Variants in NAPG observed in about 807,000 individuals in gnomAD.
The protein encoded by NAPG is NSF attachment protein gamma.
Under a neutral mutation model 48.4 loss-of-function variants are expected in NAPG, and 25 were observed. The ratio of observed to expected loss-of-function variants is 0.52; its 90% CI spans 0.38 to 0.72. The LOEUF (loss-of-function observed/expected upper bound fraction) is 0.72. NAPG is among the 30% of genes least tolerant of loss of function. The pLI, the probability that NAPG is intolerant of heterozygous loss-of-function variation, is 0.00. For missense variants in NAPG, 359 were observed against 372.5 expected (o/e 0.96, Z 0.30); for synonymous variants, 139 against 127.2 (o/e 1.09, Z -0.62).
chr18:10,544,187 C>T lies in NAPG; in HGVS notation c.507-2139C>T, dbSNP rs1280448217. Among the ~76,000 whole-genome samples, 6 of 152,124 alleles carry T rather than the reference C, an allele frequency of 3.9e-5. No individual in the cohort carries two copies. Among genetic ancestry groups the T allele is most frequent in the East Asian group, 3.9e-4 (2 of 5,192 alleles). ...GATACAGATACATGTAGCTGTAGTCCGCCTTGCATTAATTTTTTATTTCTG... is the reference window on the plus strand; with the variant it reads ...GATACAGATACATGTAGCTGTAGTCTGCCTTGCATTAATTTTTTATTTCTG... On this transcript the variant is annotated intron_variant, in intron 8 of 11. Coordinates refer to ENST00000322897, the MANE Select transcript of NAPG (RefSeq NM_003826.3). The surrounding 1 kb of genome is among the most constrained non-coding windows in gnomAD (Gnocchi z 5.1).
In NAPG at chr18:10,539,981, G is replaced by C. The variant is rs1009222131; in HGVS notation, c.369-7G>C. 6 of 1,604,704 alleles carry C rather than the reference G, an allele frequency of 3.7e-6. No homozygotes were observed. Among genetic ancestry groups the C allele is most frequent in the Non-Finnish European group, 5.1e-6 (6 of 1,174,784 alleles). On this transcript the variant is annotated splice_region_variant and splice_polypyrimidine_tract_variant and intron_variant, in intron 6 of 11. Transcript: ENST00000322897. This position sits in a 1 kb window ranked among gnomAD's most constrained non-coding sequence, Gnocchi z 4.7. Reference sequence around the variant, plus strand: ...TCATATAAGACATGTTTTCTTGTCTGATTCAGGCTTATAGAAAATGTTGAT... The same window carrying C: ...TCATATAAGACATGTTTTCTTGTCTCATTCAGGCTTATAGAAAATGTTGAT...
At position 10,539,911 on chromosome 18, in the gene NAPG, T is replaced by A; in HGVS notation, c.368+40T>A. The A allele has an allele frequency of 6.2e-7, 1 of 1,610,560 alleles. No homozygotes were observed. The highest frequency in any genetic ancestry group is 8.5e-7 in the Non-Finnish European group (1 of 1,177,302). Reference sequence around the variant, plus strand: ...GACAAGTCTCTGCATAGAAGTCTTGTCTTTTTGTTTTAAAGAGGTCCCTGA... The same window carrying A: ...GACAAGTCTCTGCATAGAAGTCTTGACTTTTTGTTTTAAAGAGGTCCCTGA... On this transcript the variant is annotated intron_variant, in intron 6 of 11. Transcript: ENST00000322897. This position sits in a 1 kb window ranked among gnomAD's most constrained non-coding sequence, Gnocchi z 4.7.
rs894790463 is a variant in NAPG, at chr18:10,543,080, A to T, written c.506+2681A>T. Among the ~76,000 whole-genome samples the T allele has an allele frequency of 3.3e-5, 5 of 150,764 alleles. No homozygotes were observed. Among genetic ancestry groups the T allele is most frequent in the Non-Finnish European group, 7.4e-5 (5 of 67,766 alleles). On this transcript the variant is annotated intron_variant, in intron 8 of 11. Transcript: ENST00000322897. The surrounding 1 kb of genome is among the most constrained non-coding windows in gnomAD (Gnocchi z 4.4). ...ACACCTATAATCCCAGCTACTCGGG[A>T]GGCTGGAGAATCGCTTGAACCCAGG...
rs2032215906 is a variant in NAPG, at chr18:10,544,285, A to C, written c.507-2041A>C. Among the ~76,000 whole-genome samples the C allele has an allele frequency of 6.6e-6, 1 of 152,240 alleles. No homozygotes were observed. Among genetic ancestry groups the C allele is most frequent in the African/African-American group, 2.4e-5 (1 of 41,466 alleles). On this transcript the variant is annotated intron_variant, in intron 8 of 11. Transcript: ENST00000322897. The surrounding 1 kb of genome is among the most constrained non-coding windows in gnomAD (Gnocchi z 5.1). ...TTAGCTCACAGTTTCATGAGGCCAG[A>C]AGTCTGGATACAGTGTAGCTAGGTC...
chr18:10,540,503 C>G, intron 8 of NAPG, 104 bp downstream of exon 8: 2 of 825,896 alleles, frequency 2.4e-6, no homozygotes, highest in South Asian at 1.5e-5. Flanking sequence ...TTGGTATAAG[C>G]TGTAGACACA....
Position 10,551,420 on chromosome 18 carries a change from T to C in NAPG, c.*1200T>C, listed in dbSNP as rs993878632. On this transcript the variant is annotated 3_prime_UTR_variant, in exon 12 of 12. Transcript: ENST00000322897. Reference sequence around the variant, plus strand: ...ACTTAGCTGAAAGGGAAGAATTGTTTTAGAAAGACAATATTTAAAACACCG... The same window carrying C: ...ACTTAGCTGAAAGGGAAGAATTGTTCTAGAAAGACAATATTTAAAACACCG... The C allele has an allele frequency of 1.3e-5, 2 of 152,266 alleles. No individual in the cohort carries two copies. The highest frequency in any genetic ancestry group is 4.8e-5 in the African/African-American group (2 of 41,466). The allele number at this position is 152,266 out of a possible 1,614,324, so 9.4% of individuals were successfully genotyped here. A position where few individuals can be genotyped will look rare whatever the true frequency, so the allele number is the denominator to read the frequency against.
At position 10,527,709 on chromosome 18, in the gene NAPG, A is replaced by G. The variant is rs2031847685; in HGVS notation, c.56+1551A>G. Among the ~76,000 whole-genome samples, 4 of 150,394 alleles carry G rather than the reference A, an allele frequency of 2.7e-5. No homozygotes were observed. In the South Asian group the frequency reaches 8.3e-4, roughly 31 times the overall value. ...GAAAGAGATTCTGTGCGCAACCTGT[A>G]GTATGTATTATACGCGGGCCTGAAA... On this transcript the variant is annotated intron_variant, in intron 1 of 11. Transcript: ENST00000322897.
Position 10,548,265 on chromosome 18 carries a change from G to A in NAPG, c.586-34G>A. On this transcript the variant is annotated intron_variant, in intron 9 of 11. Transcript: ENST00000322897. This position sits in a 1 kb window ranked among gnomAD's most constrained non-coding sequence, Gnocchi z 4.4. ...AGGTTATTGACTTTATTAAACAGAT[G>A]TAAATTTGACCATGATCCTCTCTTT... 6.6e-7 allele frequency: 1 copy of A among 1,515,080 alleles called. No individual in the cohort carries two copies. Among genetic ancestry groups the A allele is most frequent in the Non-Finnish European group, 9.2e-7 (1 of 1,090,776 alleles). The allele number at this position is 1,515,080 out of a possible 1,614,324, so 93.9% of individuals were successfully genotyped here.
rs980867028 is a variant in NAPG, at chr18:10,534,887, T to C, written c.258+391T>C. On this transcript the variant is annotated intron_variant, in intron 5 of 11. Coordinates refer to ENST00000322897, the MANE Select transcript of NAPG (RefSeq NM_003826.3). This position sits in a 1 kb window ranked among gnomAD's most constrained non-coding sequence, Gnocchi z 5.0. ...GGGTTATAGAAGAGATTTTTACTTA[T>C]GTGAATAACAGTTGGCAGCAGAAAC... is the stretch of plus-strand genomic sequence containing the variant. Among the ~76,000 whole-genome samples, 4 of 152,362 alleles carry C rather than the reference T, an allele frequency of 2.6e-5. No homozygotes were observed. Among genetic ancestry groups the C allele is most frequent in the South Asian group, 4.1e-4 (2 of 4,834 alleles).
Position 10,549,060 on chromosome 18 carries a change from C to T in NAPG, c.759C>T (p.Val253=). Residue 253 remains valine (V), a synonymous_variant, in exon 11 of 12, where the codon GTC becomes GTT. Coordinates refer to ENST00000322897, the MANE Select transcript of NAPG (RefSeq NM_003826.3). ...DQQDQDQVSD[V]CNSPLFKYMD... ...AAGACCAAGATCAGGTGTCAGATGT[C>T]TGCAACTCACCGCTTTTCAAGTACA... 1.2e-6 allele frequency: 2 copies of T among 1,613,880 alleles called. No individual in the cohort carries two copies. Among genetic ancestry groups the T allele is most frequent in the Non-Finnish European group, 1.7e-6 (2 of 1,179,792 alleles).
rs183524274 is a variant in NAPG, at chr18:10,532,718, T to C, written c.132T>C (p.Ala44=). Residue 44 remains alanine (A), a synonymous_variant, in exon 3 of 12, where the codon GCT becomes GCC. Transcript: ENST00000322897. ...TTTTTTTTTCTATTTCAGCTGTTGCTTTTAAAAATGCCAAACAGTTTGAGC... is the reference window on the plus strand; with the variant it reads ...TTTTTTTTTCTATTTCAGCTGTTGCCTTTAAAAATGCCAAACAGTTTGAGC... ...AASEYGKAAV[A]FKNAKQFEQA... The C allele has an allele frequency of 1.8e-5, 28 of 1,579,708 alleles. No individual in the cohort carries two copies. The Admixed American group carries it at 5.0e-4, about 28-fold the overall frequency.
rs970805943 is a variant in NAPG, at chr18:10,542,128, T to G, written c.506+1729T>G. 1.3e-5 allele frequency among the ~76,000 whole-genome samples: 2 copies of G among 152,128 alleles called. No homozygotes were observed. Among genetic ancestry groups the G allele is most frequent in the Non-Finnish European group, 2.9e-5 (2 of 68,016 alleles). The stretch of plus-strand genomic sequence containing the variant: ...TTCAAAGCCTCAGCAGAGGGGAGAA[T>G]GCTAGTTGAGTGAGCAGCAGAAGTG... On this transcript the variant is annotated intron_variant, in intron 8 of 11. Coordinates refer to ENST00000322897, the MANE Select transcript of NAPG (RefSeq NM_003826.3). The surrounding 1 kb of genome is among the most constrained non-coding windows in gnomAD (Gnocchi z 4.5).
intron 5 of NAPG, among the ~76,000 whole-genome samples, chr18:10,536,253 T>G (rs1159313436): frequency 6.6e-6 from 1 of 152,236 alleles, no homozygotes; most frequent in Admixed American, 6.5e-5. Flanking sequence ...AAATGCTTTC[T>G]GGCATTGTCT....
intron 1 of NAPG, among the ~76,000 whole-genome samples, chr18:10,529,070 C>A (rs1424544528): frequency 6.6e-6 from 1 of 152,160 alleles, no homozygotes; most frequent in East Asian, 1.9e-4. Flanking sequence ...CCCAAATTAG[C>A]TGTATATCTT....
chr18:10,533,306 A>G (rs2031968175), intron 3 of NAPG: 2 of 406,862 alleles, frequency 4.9e-6, no homozygotes, highest in African/African-American at 4.1e-5. Context: ...TTATTGCGTA[A>G]TAGAAATAGT....
Position 10,546,415 on chromosome 18 carries a change from A to C in NAPG, c.585+11A>C. 6.8e-7 allele frequency: 1 copy of C among 1,476,884 alleles called. No homozygotes were observed. Among genetic ancestry groups the C allele is most frequent in the African/African-American group, 1.4e-5 (1 of 71,274 alleles). The allele number at this position is 1,476,884 out of a possible 1,614,324, so 91.5% of individuals were successfully genotyped here. A position where few individuals can be genotyped will look rare whatever the true frequency, so the allele number is the denominator to read the frequency against. ...CCAACTTGTTATAAGGTATTCTTTG[A>C]AAGTGTTTGTTTTTGGTATTACATT... is the stretch of plus-strand genomic sequence containing the variant. On this transcript the variant is annotated intron_variant, in intron 9 of 11. Transcript: ENST00000322897. The surrounding 1 kb of genome is among the most constrained non-coding windows in gnomAD (Gnocchi z 4.0).
chr18:10,538,362 T>A (rs2032078938), intron 5 of NAPG, among the ~76,000 whole-genome samples: 1 of 152,200 alleles, frequency 6.6e-6, no homozygotes, highest in Non-Finnish European at 1.5e-5. Context: ...CATACAGGGA[T>A]GCAAGCCTGC....
Position 10,544,762 on chromosome 18 carries a change from C to T in NAPG, c.507-1564C>T, listed in dbSNP as rs894550341. On this transcript the variant is annotated intron_variant, in intron 8 of 11. Coordinates refer to ENST00000322897, the MANE Select transcript of NAPG (RefSeq NM_003826.3). This position sits in a 1 kb window ranked among gnomAD's most constrained non-coding sequence, Gnocchi z 5.1. ...GGAAATGTTTACAAGGGGCAAGAATCGGGAGCACTCTTAGAATTCTGCTAC... is the reference window on the plus strand; with the variant it reads ...GGAAATGTTTACAAGGGGCAAGAATTGGGAGCACTCTTAGAATTCTGCTAC... Among the ~76,000 whole-genome samples, 1 of 152,180 alleles carries T rather than the reference C, an allele frequency of 6.6e-6. No homozygotes were observed. The highest frequency in any genetic ancestry group is 6.5e-5 in the Admixed American group (1 of 15,276).
rs539897450 is a variant in NAPG, at chr18:10,544,212, G to A, written c.507-2114G>A. 1.4e-4 allele frequency among the ~76,000 whole-genome samples: 21 copies of A among 152,228 alleles called. No homozygotes were observed. Among genetic ancestry groups the A allele is most frequent in the Non-Finnish European group, 2.9e-4 (20 of 68,016 alleles). ...CGCCTTGCATTAATTTTTTATTTCT[G>A]CATAGCAGATTGCTACAAACTTAGC... On this transcript the variant is annotated intron_variant, in intron 8 of 11. Transcript: ENST00000322897. This position sits in a 1 kb window ranked among gnomAD's most constrained non-coding sequence, Gnocchi z 5.1.
Sources: allele counts gnomAD v4.1 joint callset (sites outside exome capture counted in the v4.1 genomes callset), GRCh38; gene constraint gnomAD v4.1.1; non-coding constraint Gnocchi (gnomAD v3.1); transcripts MANE v1.5; gene names NCBI Gene and HGNC (gene_info 2026-07-23, HGNC 2026-07-21).